The following ZNF385D variants were observed in gnomAD, a reference collection of about 807,000 sequenced individuals.
ZNF385D encodes zinc finger protein 659.
A neutral mutation model predicts 35.8 loss-of-function variants in ZNF385D; 15 were observed. That is an observed-to-expected ratio of 0.42 (90% confidence interval 0.28 to 0.64). ZNF385D has a LOEUF of 0.64. Among genes scored for constraint, ZNF385D ranks in the 30% least tolerant of loss-of-function variants. ZNF385D has a pLI of 0.23. For synonymous variants in ZNF385D, 212 were observed against 186.8 expected, an observed-to-expected ratio of 1.13 and a Z score of -1.10; for missense variants, 474 against 494.6, an observed-to-expected ratio of 0.96 and a Z score of 0.39.
intron 2 of ZNF385D, among the ~76,000 whole-genome samples, chr3:22,221,813 TTAAG>T (rs1698273052): frequency 6.7e-6 from 1 of 149,792 alleles, no homozygotes; most frequent in African/African-American, 2.5e-5. Context: ...CTTTGTGTGG[TTAAG>T]TTTTGTCTCC....
At chr3:21,466,941 A>G (rs11914832) in intron 4 of ZNF385D, among the ~76,000 whole-genome samples, 33,094 of 152,054 alleles carry the variant, frequency 0.22, 3,852 homozygotes, top group Middle Eastern at 0.32. Flanking sequence ...AGCTGGAGAG[A>G]AGAAAGTTCT....
At chr3:21,512,820 G>A (rs1467406013) in intron 3 of ZNF385D, among the ~76,000 whole-genome samples, 2 of 152,026 alleles carry the variant, frequency 1.3e-5, no homozygotes, top group Non-Finnish European at 1.5e-5. Flanking sequence ...AGTATATCAA[G>A]TCCTTCGGCC....
intron 2 of ZNF385D, among the ~76,000 whole-genome samples, chr3:22,178,688 A>C (rs1194532904): frequency 1.3e-5 from 2 of 152,126 alleles, no homozygotes; most frequent in African/African-American, 4.8e-5. Context: ...GGTATTGCCT[A>C]GGTTTTCTTC....
chr3:21,954,647 G>C (rs1702208234), intron 3 of ZNF385D, among the ~76,000 whole-genome samples: 1 of 151,978 alleles, frequency 6.6e-6, no homozygotes, highest in African/African-American at 2.4e-5. Flanking sequence ...GTGGCAACAT[G>C]ATTCATTAAT....
At chr3:21,964,320 G>GA (rs147018174) in intron 3 of ZNF385D, among the ~76,000 whole-genome samples, 20,568 of 136,344 alleles carry the variant, frequency 0.15, 1,659 homozygotes, top group Middle Eastern at 0.25. Context: ...AATACAAATG[G>GA]AAAAAAAAAG....
At chr3:22,190,779 G>A (rs1695965668) in intron 2 of ZNF385D, among the ~76,000 whole-genome samples, 1 of 151,968 alleles carries the variant, frequency 6.6e-6, no homozygotes, top group African/African-American at 2.4e-5. Context: ...AAAGGTACAG[G>A]CTATTTTTTT....
chr3:21,585,049 T>C (rs577210000), intron 2 of ZNF385D, among the ~76,000 whole-genome samples: 105 of 29,430 alleles, frequency 3.6e-3, no homozygotes, highest in African/African-American at 0.028. Flanking sequence ...ATAACGAATC[T>C]TTGTGCCAGT....
chr3:21,950,506 G>T (rs1702012272), intron 3 of ZNF385D, among the ~76,000 whole-genome samples: 1 of 151,674 alleles, frequency 6.6e-6, no homozygotes, highest in East Asian at 1.9e-4. Context: ...TAGGTTGCCT[G>T]TTCACTCTGA....
intron 3 of ZNF385D, among the ~76,000 whole-genome samples, chr3:22,167,806 CTT>C (rs1209742408): frequency 6.6e-6 from 1 of 152,176 alleles, no homozygotes; most frequent in Non-Finnish European, 1.5e-5. Flanking sequence ...TCTTATATCT[CTT>C]TGACAAATAA....
At position 22,306,961 on chromosome 3, in the gene ZNF385D, G is replaced by T. The variant is rs75241910; in HGVS notation, c.106+65489C>A. Among the ~76,000 whole-genome samples the T allele has an allele frequency of 9.7e-3, 1,474 of 152,246 alleles. 25 individuals carry two copies. The highest frequency in any genetic ancestry group is 0.034 in the African/African-American group (1,417 of 41,552). On this transcript the variant is annotated intron_variant, in intron 2 of 5. Transcript: ENST00000494108. The stretch of plus-strand genomic sequence containing the variant: ...CAAGGCTGTTTAAATGTTCTCAGAA[G>T]TTCTGCCTACACATGCATTAGAGTT...
intron 1 of ZNF385D, among the ~76,000 whole-genome samples, chr3:21,707,067 A>G (rs192126361): frequency 2.0e-4 from 31 of 152,266 alleles, no homozygotes; most frequent in Middle Eastern, 3.4e-3. Context: ...TGTGATTCAA[A>G]TTTGAGTGGG....
chr3:21,434,110 C>A (rs1040744843), intron 5 of ZNF385D, among the ~76,000 whole-genome samples: 1 of 152,094 alleles, frequency 6.6e-6, no homozygotes, highest in Non-Finnish European at 1.5e-5. Flanking sequence ...TGTCATTTTT[C>A]ATGACCAATA....
chr3:22,187,943 T>G (rs536431094), intron 2 of ZNF385D, among the ~76,000 whole-genome samples: 2 of 152,296 alleles, frequency 1.3e-5, no homozygotes, highest in African/African-American at 4.8e-5. Flanking sequence ...CTCCAGAACC[T>G]GTGAATATGG....
chr3:22,036,354 T>C (rs1433587812), intron 3 of ZNF385D, among the ~76,000 whole-genome samples: 1 of 152,198 alleles, frequency 6.6e-6, no homozygotes, highest in Admixed American at 6.6e-5. Context: ...AACCAAGTTT[T>C]GGCCCAATGA....
chr3:22,137,152 T>C (rs1704186408), intron 3 of ZNF385D, among the ~76,000 whole-genome samples: 1 of 152,174 alleles, frequency 6.6e-6, no homozygotes, highest in South Asian at 2.1e-4. Context: ...CTGTGTTTTT[T>C]ACTAATTTTT....
At chr3:21,492,457 T>C (rs1259760222) in intron 4 of ZNF385D, among the ~76,000 whole-genome samples, 1 of 151,492 alleles carries the variant, frequency 6.6e-6, no homozygotes, top group Admixed American at 6.6e-5. Flanking sequence ...ATACTCCCAT[T>C]TGATTTCTTT....
intron 3 of ZNF385D, among the ~76,000 whole-genome samples, chr3:21,861,864 A>G (rs9310664): frequency 0.024 from 3,705 of 152,146 alleles, 160 homozygotes; most frequent in African/African-American, 0.083. Flanking sequence ...TGAGACTTTG[A>G]CACACACAGT....
intron 3 of ZNF385D, among the ~76,000 whole-genome samples, chr3:21,810,292 G>C (rs2072857931): frequency 6.9e-6 from 1 of 145,804 alleles, no homozygotes; most frequent in African/African-American, 2.5e-5. Context: ...AATTGATATA[G>C]AAAAGCACTT....
chr3:21,937,742 T>C (rs1441779762), intron 3 of ZNF385D, among the ~76,000 whole-genome samples: 1 of 152,186 alleles, frequency 6.6e-6, no homozygotes, highest in Non-Finnish European at 1.5e-5. Flanking sequence ...TTCCTTTTAA[T>C]GATAAGCAAA....
Sources: gnomAD v4.1 joint callset for allele counts (sites outside exome capture counted in the v4.1 genomes callset) on GRCh38, gnomAD v4.1.1 for gene constraint, MANE v1.5 for transcripts, NCBI Gene and HGNC (gene_info 2026-07-23, HGNC 2026-07-21) for gene names.